A2M: variants seen among roughly 807,000 people sequenced by gnomAD.
The protein encoded by A2M is C3 and PZP-like alpha-2-macroglobulin domain-containing protein 5.
Under a neutral mutation model 183.9 loss-of-function variants are expected in A2M, and 128 were observed. That is an observed-to-expected ratio of 0.70 (90% confidence interval 0.60 to 0.81). The LOEUF is 0.81. Among genes scored for constraint, A2M ranks in the 30% least tolerant of loss-of-function variants. The pLI, the probability that A2M is intolerant of heterozygous loss-of-function variation, is 0.00. For synonymous variants in A2M, 592 were observed against 670.8 expected, an observed-to-expected ratio of 0.88 and a Z score of 1.81; for missense variants, 1,495 against 1,787.6, an observed-to-expected ratio of 0.84 and a Z score of 2.95.
At chr12:9,096,448 G>A (rs990745690) in intron 15 of A2M, among the ~76,000 whole-genome samples, 1 of 152,240 alleles carries the variant, frequency 6.6e-6, no homozygotes, top group African/African-American at 2.4e-5. Context: ...GTTAATGGGT[G>A]CATGTTCTAA....
chr12:9,072,417 G>A lies in A2M; in HGVS notation c.4045C>T (p.Pro1349Ser). 2.5e-6 allele frequency: 4 copies of A among 1,613,800 alleles called. No homozygotes were observed. The highest frequency in any genetic ancestry group is 3.4e-6 in the Non-Finnish European group (4 of 1,179,824). The change falls in exon 31 of 36, where the codon CCT becomes TCT. Residue 1349 changes from proline to serine, a missense_variant. Physicochemically the swap from Pro to Ser is moderately conservative, Grantham distance 74 (BLOSUM62 -1). Transcript: ENST00000318602. ...GCTTTGGGTTCATCACAAGTTTGAG[G>A]CAGAGTCTGCACTCCTAAAGCAAAG... ...FPFALGVQTL[P>S]QTCDEPKAHT...
intron 22 of A2M, among the ~76,000 whole-genome samples, chr12:9,088,809 A>G (rs189759671): frequency 2.4e-4 from 36 of 152,350 alleles, no homozygotes; most frequent in African/African-American, 8.2e-4. Flanking sequence ...CCCGTTATCA[A>G]ATACTGTTGG....
At position 9,095,575 on chromosome 12, in the gene A2M, T is replaced by G. The variant is rs1399403794; in HGVS notation, c.1977A>C (p.Ser659=). The change falls in exon 16 of 36, where the codon TCA becomes TCC. Residue 659 remains serine (S), a synonymous_variant. Transcript: ENST00000318602. ...YINGITYTPV[S]STNEKDMYSF... is the part of the protein sequence containing the mutation. ...TGTACATATCCTTTTCATTTGTACT[T>G]GATACTGGAGTATATGTGATTCCAT... 1 of 1,612,458 alleles carries G rather than the reference T, an allele frequency of 6.2e-7. No individual in the cohort carries two copies. Among genetic ancestry groups the G allele is most frequent in the Non-Finnish European group, 8.5e-7 (1 of 1,178,634 alleles).
chr12:9,097,765 T>C (rs1430078633), intron 15 of A2M, among the ~76,000 whole-genome samples: 1 of 151,932 alleles, frequency 6.6e-6, no homozygotes, highest in Non-Finnish European at 1.5e-5. Context: ...CCTGAGTAGC[T>C]GGGATGACAG....
chr12:9,080,619 A>G (rs757829913), intron 22 of A2M, among the ~76,000 whole-genome samples: 1 of 152,232 alleles, frequency 6.6e-6, no homozygotes, highest in African/African-American at 2.4e-5. Context: ...CCTGAATTCT[A>G]TAATAATGCT....
chr12:9,112,480 T>A lies in A2M; in HGVS notation c.327A>T (p.Gly109=), dbSNP rs766830402. Residue 109 remains glycine, a synonymous_variant, in exon 3 of 36, where the codon GGA becomes GGT. Transcript: ENST00000318602. Reference sequence around the variant, plus strand: ...TCCGCTTCTTAAATTCTTGGGTTGGTCCTTTCACTTGGACAGTGAGGAACA... The same window carrying A: ...TCCGCTTCTTAAATTCTTGGGTTGGACCTTTCACTTGGACAGTGAGGAACA... ...EVMFLTVQVK[G]PTQEFKKRTT... is the part of the protein sequence containing the mutation. 1.2e-6 allele frequency: 2 copies of A among 1,613,858 alleles called. No individual in the cohort carries two copies. The highest frequency in any genetic ancestry group is 2.2e-5 in the South Asian group (2 of 91,062).
At position 9,113,368 on chromosome 12, in the gene A2M, C is replaced by A. The variant is rs753857154; in HGVS notation, c.262G>T (p.Ala88Ser). 1.2e-6 allele frequency: 2 copies of A among 1,613,160 alleles called. No homozygotes were observed. Among genetic ancestry groups the A allele is most frequent in the Admixed American group, 3.3e-5 (2 of 59,878 alleles). ...EAENDVLHCV[A>S]FAVPKSSSNE... The stretch of plus-strand genomic sequence containing the variant: ...CAAACAGCCACACTCACAGCGAAGG[C>A]GACACAGTGGAGTACGTCATTCTCC... Residue 88 changes from alanine to serine, a missense_variant, in exon 2 of 36, where the codon GCC becomes TCC. Coordinates refer to ENST00000318602, the MANE Select transcript of A2M (RefSeq NM_000014.6).
At chr12:9,097,058 T>C (rs1270057439) in intron 15 of A2M, among the ~76,000 whole-genome samples, 4 of 152,214 alleles carry the variant, frequency 2.6e-5, no homozygotes, top group African/African-American at 9.6e-5. Flanking sequence ...TGCTTTATTA[T>C]TAATAAATAG....
At chr12:9,113,613 C>G in intron 1 of A2M, 70 bp from the exon 2 acceptor site, 1 of 1,419,454 alleles carries the variant, frequency 7.0e-7, no homozygotes, top group Middle Eastern at 1.9e-4. Context: ...GCACTTTTTT[C>G]CATCATCATA....
At chr12:9,112,605 A>G in intron 2 of A2M, 69 bp from the exon 3 acceptor site, 1 of 1,559,716 alleles carries the variant, frequency 6.4e-7, no homozygotes, top group Non-Finnish European at 8.8e-7. Flanking sequence ...TTGCTGTTGC[A>G]CTCTTCCCTG....
intron 34 of A2M, 124 bp downstream of exon 34, chr12:9,068,616 A>T: frequency 1.2e-6 from 1 of 803,262 alleles, no homozygotes; most frequent in Non-Finnish European, 2.0e-6. Flanking sequence ...ATCAGACTTG[A>T]TGGAGACAAA....
chr12:9,083,651 T>A (rs73241999), intron 22 of A2M, among the ~76,000 whole-genome samples: 2,541 of 150,358 alleles, frequency 0.017, 77 homozygotes, highest in African/African-American at 0.059. Context: ...TTATGGGACA[T>A]CATCATGAAA....
chr12:9,089,345 G>C, intron 21 of A2M, 94 bp from the exon 22 acceptor site: 1 of 922,762 alleles, frequency 1.1e-6, no homozygotes, highest in Non-Finnish European at 1.7e-6. Context: ...ATAGTGAAGA[G>C]AAGGATTTGA....
At chr12:9,068,010 G>T in intron 35 of A2M, 171 bp from the exon 36 acceptor site, 1 of 962,958 alleles carries the variant, frequency 1.0e-6, no homozygotes, top group Non-Finnish European at 1.6e-6. Context: ...GACTCTCTGA[G>T]GTTTGACAGA....
At position 9,074,011 on chromosome 12, in the gene A2M, C is replaced by A. The variant is rs1192312503; in HGVS notation, c.3756+549G>T. Among the ~76,000 whole-genome samples the A allele has an allele frequency of 2.7e-5, 4 of 150,424 alleles. No homozygotes were observed. In the East Asian group the frequency reaches 7.8e-4, roughly 29 times the overall value. On this transcript the variant is annotated intron_variant, in intron 29 of 35. Transcript: ENST00000318602. ...GCTGAGGCACTAGAATCGCTTGAAC[C>A]TGGGAGATGGAGGTTGCAGTGAGCC...
Position 9,079,297 on chromosome 12 carries a change from A to T in A2M, c.3066T>A (p.Asp1022Glu). The T allele has an allele frequency of 6.2e-7, 1 of 1,613,808 alleles. No homozygotes were observed. The highest frequency in any genetic ancestry group is 8.5e-7 in the Non-Finnish European group (1 of 1,179,804). ...GCTCCCCAAAGGTGCTGTAGGAGCCATCATAGTGTTTGTAGTTCAACTGTC... is the reference window on the plus strand; with the variant it reads ...GCTCCCCAAAGGTGCTGTAGGAGCCTTCATAGTGTTTGTAGTTCAACTGTC... ...YQRQLNYKHY[D>E]GSYSTFGERY... Residue 1022 changes from aspartate to glutamate, a missense_variant, in exon 25 of 36, where the codon GAT (aspartate) becomes GAA (glutamate). Physicochemically the swap from Asp to Glu is conservative, Grantham distance 45. Coordinates refer to ENST00000318602, the MANE Select transcript of A2M (RefSeq NM_000014.6).
intron 22 of A2M, among the ~76,000 whole-genome samples, chr12:9,083,927 G>T (rs1948981992): frequency 6.6e-6 from 1 of 152,032 alleles, no homozygotes; most frequent in South Asian, 2.1e-4. Context: ...CTGAAAAGCA[G>T]AAGGTGATAA....
chr12:9,084,560 A>G (rs1054236574), intron 22 of A2M, among the ~76,000 whole-genome samples: 1 of 151,882 alleles, frequency 6.6e-6, no homozygotes, highest in Non-Finnish European at 1.5e-5. Context: ...AAAAATTTTA[A>G]AAGATTCAAA....
At chr12:9,068,106 C>G in intron 35 of A2M, 77 bp downstream of exon 35, 2 of 1,479,642 alleles carry the variant, frequency 1.4e-6, no homozygotes, top group South Asian at 2.4e-5. Flanking sequence ...ATTTACCCAG[C>G]GTTTTATGAA....
Sources: gnomAD v4.1 joint callset for allele counts (sites outside exome capture counted in the v4.1 genomes callset) on GRCh38, gnomAD v4.1.1 for gene constraint, MANE v1.5 for transcripts, NCBI Gene and HGNC (gene_info 2026-07-23, HGNC 2026-07-21) for gene names.